Variants in ZFHX3 observed in about 807,000 individuals in gnomAD.
ZFHX3 encodes zinc finger homeobox 3.
A neutral mutation model predicts 279.1 loss-of-function variants in ZFHX3; 42 were observed. The observed-to-expected ratio is 0.15, with a 90% CI of 0.12 to 0.19. The LOEUF (loss-of-function observed/expected upper bound fraction) is 0.19, where lower values mean the gene tolerates loss of function less well. ZFHX3 is among the 10% of genes least tolerant of loss of function. The pLI, the probability that ZFHX3 is intolerant of heterozygous loss-of-function variation, is 1.00. For missense variants in ZFHX3, 4,981 were observed against 4,754.0 expected (o/e 1.05, Z -1.40); for synonymous variants, 2,293 against 1,957.8 (o/e 1.17, Z -4.52).
At chr16:73,686,089 C>CTTAT (rs71374579) in intron 1 of ZFHX3, among the ~76,000 whole-genome samples, 7,425 of 151,816 alleles carry the variant, frequency 0.049, 207 homozygotes, top group African/African-American at 0.068. Flanking sequence ...TCAGACATTT[C>CTTAT]TTATTTATTT....
chr16:72,959,181 A>T lies in ZFHX3; in HGVS notation c.965T>A (p.Ile322Asn). 6.2e-7 allele frequency: 1 copy of T among 1,614,222 alleles called. No homozygotes were observed. Among genetic ancestry groups the T allele is most frequent in the Non-Finnish European group, 8.5e-7 (1 of 1,180,036 alleles). Reference protein sequence around the residue: ...DERKILSNKNISAIIQGIGKD... With the variant: ...DERKILSNKNNSAIIQGIGKD... ...GCCGATCCCTTGGATGATAGCGGAG[A>T]TGTTCTTATTGCTAAGAATTTTCCG... The change falls in exon 2 of 10, where the codon ATC (isoleucine) becomes AAC (asparagine). Residue 322 changes from isoleucine (I) to asparagine (N), a missense_variant. Physicochemically the swap from Ile to Asn is moderately radical, Grantham distance 149 (BLOSUM62 -3). This residue lies in a region of ZFHX3 where 1,068 missense variants were observed against 935.2 expected (regional missense o/e 1.14). Transcript: ENST00000268489.
chr16:73,716,650 CGCAT>C (rs559066880), intron 1 of ZFHX3, among the ~76,000 whole-genome samples: 23 of 10,066 alleles, frequency 2.3e-3, no homozygotes, highest in Non-Finnish European at 0.022. Flanking sequence ...CACACACACA[CGCAT>C]GCACGCACGC....
At chr16:73,221,289 ACT>A (rs2012411772) in intron 5 of ZFHX3, among the ~76,000 whole-genome samples, 8 of 152,198 alleles carry the variant, frequency 5.3e-5, no homozygotes, top group Admixed American at 5.2e-4. Context: ...AAGAAAAGTC[ACT>A]GTTAATACCT....
rs760518917 is a variant in ZFHX3, at chr16:73,732,323, GA to G, written c.-1607-52084del. Reference sequence around the variant, plus strand: ...TTCACCAAAGGCCTAATGATCCATGGAATTATCTGCTGGCCAACAGAGAAGG... The same window carrying G: ...TTCACCAAAGGCCTAATGATCCATGGATTATCTGCTGGCCAACAGAGAAGG... On this transcript the variant is annotated intron_variant, in intron 1 of 17. Coordinates refer to the ZFHX3 transcript ENST00000641206. 1.1e-3 allele frequency among the ~76,000 whole-genome samples: 174 copies of G among 152,312 alleles called. 1 individual carries two copies. The highest frequency in any genetic ancestry group is 2.2e-3 in the Non-Finnish European group (148 of 68,030).
At chr16:73,230,290 G>A (rs2012733224) in intron 5 of ZFHX3, among the ~76,000 whole-genome samples, 8 of 152,172 alleles carry the variant, frequency 5.3e-5, no homozygotes, top group Admixed American at 5.2e-4. Context: ...GTACCCAACT[G>A]GAATGGAATA....
rs149045327 is a variant in ZFHX3, at chr16:73,417,617, T to C, written c.-1291+38386A>G. Among the ~76,000 whole-genome samples the C allele has an allele frequency of 3.6e-3, 549 of 151,814 alleles. 10 individuals are homozygous for C. Among genetic ancestry groups the C allele is most frequent in the African/African-American group, 0.012 (485 of 41,330 alleles). ...GGGTGAGGAATACACAGAAACTCTC[T>C]GAACAATTTTTGCAAATTTTTTGTT... On this transcript the variant is annotated intron_variant, in intron 3 of 17. Coordinates refer to the ZFHX3 transcript ENST00000641206.
intron 8 of ZFHX3, among the ~76,000 whole-genome samples, chr16:73,078,327 C>A (rs927401153): frequency 6.6e-6 from 1 of 152,138 alleles, no homozygotes; most frequent in Admixed American, 6.5e-5. Context: ...CCAACTCTGT[C>A]AAGACCAAGA....
intron 1 of ZFHX3, among the ~76,000 whole-genome samples, chr16:73,810,540 A>G (rs1220689045): frequency 2.6e-5 from 4 of 152,202 alleles, no homozygotes; most frequent in African/African-American, 9.7e-5. Context: ...ATGTTTTTAC[A>G]GCACTTTATA....
At chr16:73,530,252 G>C (rs769522110) in intron 2 of ZFHX3, among the ~76,000 whole-genome samples, 1 of 152,042 alleles carries the variant, frequency 6.6e-6, no homozygotes, top group Non-Finnish European at 1.5e-5. Flanking sequence ...CATGAGAACA[G>C]TATGGGGGAA....
At chr16:73,039,700 T>A (rs991464134) in intron 1 of ZFHX3, among the ~76,000 whole-genome samples, 1 of 152,176 alleles carries the variant, frequency 6.6e-6, no homozygotes, top group Non-Finnish European at 1.5e-5. Context: ...TCTCTTTTTT[T>A]ATTTTTTTAT....
chr16:73,122,230 G>A (rs1248281470), intron 7 of ZFHX3, among the ~76,000 whole-genome samples: 1 of 151,612 alleles, frequency 6.6e-6, no homozygotes, highest in Non-Finnish European at 1.5e-5. Context: ...TTTTAAGATG[G>A]AGTCTCACTC....
intron 1 of ZFHX3, among the ~76,000 whole-genome samples, chr16:73,034,193 C>T (rs1964815732): frequency 6.6e-6 from 1 of 152,148 alleles, no homozygotes; most frequent in Admixed American, 6.5e-5. Context: ...CCATGTCACC[C>T]TCTGTCCCTC....
intron 2 of ZFHX3, among the ~76,000 whole-genome samples, chr16:73,629,006 T>A (rs2052443393): frequency 6.6e-6 from 1 of 152,142 alleles, no homozygotes; most frequent in African/African-American, 2.4e-5. Flanking sequence ...GAATCCACAA[T>A]GCACACACAG....
intron 1 of ZFHX3, among the ~76,000 whole-genome samples, chr16:73,754,272 G>A (rs1221565837): frequency 6.6e-6 from 1 of 152,106 alleles, no homozygotes; most frequent in Non-Finnish European, 1.5e-5. Flanking sequence ...TCCCCTCTGG[G>A]TGTGTTGTAG....
chr16:73,193,861 T>C (rs551389743), intron 5 of ZFHX3, among the ~76,000 whole-genome samples: 1 of 152,222 alleles, frequency 6.6e-6, no homozygotes, highest in Non-Finnish European at 1.5e-5. Context: ...TGTGTAAGTA[T>C]GCACCACATG....
intron 2 of ZFHX3, among the ~76,000 whole-genome samples, chr16:73,535,542 C>T (rs1166769647): frequency 6.6e-6 from 1 of 152,136 alleles, no homozygotes; most frequent in East Asian, 1.9e-4. Context: ...TGGACAGACA[C>T]TCTCCATCTC....
At chr16:73,833,401 G>T (rs75836478) in intron 1 of ZFHX3, among the ~76,000 whole-genome samples, 102 of 152,248 alleles carry the variant, frequency 6.7e-4, no homozygotes, top group African/African-American at 2.4e-3. Context: ...TGCAAGATGG[G>T]AAAAGGAATA....
intron 3 of ZFHX3, among the ~76,000 whole-genome samples, chr16:73,353,691 C>T (rs867449016): frequency 2.6e-5 from 4 of 152,014 alleles, no homozygotes; most frequent in African/African-American, 4.8e-5. Flanking sequence ...TACAAAATCA[C>T]GTGAATGCTG....
chr16:73,470,105 G>T (rs1181693498), intron 2 of ZFHX3, among the ~76,000 whole-genome samples: 2 of 152,180 alleles, frequency 1.3e-5, no homozygotes, highest in African/African-American at 2.4e-5. Flanking sequence ...TGAGGTCCAG[G>T]ATGGGGCCTA....
Sources: gnomAD v4.1 joint callset for allele counts (sites outside exome capture counted in the v4.1 genomes callset) on GRCh38, gnomAD v4.1.1 for gene constraint, gnomAD v4.1.1 regional missense constraint, MANE v1.5 for transcripts, NCBI Gene and HGNC (gene_info 2026-07-23, HGNC 2026-07-21) for gene names.